Variants in TENM2 observed in about 807,000 individuals in gnomAD.
The protein encoded by TENM2 is teneurin transmembrane protein 2, also known as teneurin-2.
TENM2 carries 52 observed loss-of-function variants against 245.2 expected under a neutral mutation model. The observed-to-expected ratio is 0.21, with a 90% CI of 0.17 to 0.27. The LOEUF (loss-of-function observed/expected upper bound fraction) is 0.27. Among genes scored for constraint, TENM2 ranks in the 10% least tolerant of loss-of-function variants. The probability of loss-of-function intolerance (pLI) is 1.00; values close to 1 mark genes in which losing one functional copy is unlikely to be tolerated. For missense variants in TENM2, 3,046 were observed against 3,666.8 expected, an observed-to-expected ratio of 0.83 and a Z score of 4.37; for synonymous variants, 1,363 against 1,438.9, an observed-to-expected ratio of 0.95 and a Z score of 1.19.
intron 2 of TENM2, among the ~76,000 whole-genome samples, chr5:167,756,373 G>T (rs1472102639): frequency 6.6e-6 from 1 of 152,064 alleles, no homozygotes; most frequent in Admixed American, 6.6e-5. Flanking sequence ...GACTTCTGTT[G>T]CTCCCTTGGT....
the TENM2 span, among the ~76,000 whole-genome samples, chr5:167,015,181 TA>T: frequency 6.6e-6 from 1 of 152,216 alleles, no homozygotes; most frequent in Non-Finnish European, 1.5e-5. Context: ...TTTCCTGTTA[TA>T]TTTTTTGAAA....
chr5:167,456,249 C>CA (rs1169853304), intron 2 of TENM2, among the ~76,000 whole-genome samples: 3 of 152,162 alleles, frequency 2.0e-5, no homozygotes, highest in Non-Finnish European at 4.4e-5. Flanking sequence ...AACCCCAAAC[C>CA]ACTTTGAGCA....
chr5:167,526,391 C>A (rs1484633642), intron 2 of TENM2, among the ~76,000 whole-genome samples: 1 of 151,372 alleles, frequency 6.6e-6, no homozygotes, highest in Non-Finnish European at 1.5e-5. Context: ...CACACACACA[C>A]ACAGAAAAGA....
chr5:167,305,494 C>G (rs1054019392), intron 1 of TENM2, among the ~76,000 whole-genome samples: 21 of 152,194 alleles, frequency 1.4e-4, no homozygotes, highest in African/African-American at 4.8e-4. Flanking sequence ...CAACCCTTCT[C>G]AGGAAACTCA....
At chr5:167,832,089 A>G (rs770513264) in intron 2 of TENM2, among the ~76,000 whole-genome samples, 2 of 152,234 alleles carry the variant, frequency 1.3e-5, no homozygotes, top group African/African-American at 4.8e-5. Flanking sequence ...AACTGAAACG[A>G]CCAAATCCAA....
At chr5:167,533,575 G>A (rs539566906) in intron 2 of TENM2, among the ~76,000 whole-genome samples, 2 of 152,046 alleles carry the variant, frequency 1.3e-5, no homozygotes, top group Non-Finnish European at 2.9e-5. Flanking sequence ...TCACACCTTA[G>A]CCTCCCAAGT....
chr5:166,993,292 CA>C, the TENM2 span, among the ~76,000 whole-genome samples: 2 of 152,124 alleles, frequency 1.3e-5, no homozygotes, highest in Non-Finnish European at 2.9e-5. Flanking sequence ...GCAAGAGCTC[CA>C]GTGTCCTGTG....
the TENM2 span, among the ~76,000 whole-genome samples, chr5:167,274,995 A>AAT: frequency 6.6e-6 from 1 of 151,958 alleles, no homozygotes; most frequent in Non-Finnish European, 1.5e-5. Flanking sequence ...CTGTCAGAAG[A>AAT]ATATATATAC....
At chr5:167,678,283 T>C (rs2150368203) in intron 2 of TENM2, among the ~76,000 whole-genome samples, 1 of 152,256 alleles carries the variant, frequency 6.6e-6, no homozygotes, top group East Asian at 1.9e-4. Flanking sequence ...GAAAAGTAAA[T>C]GTCTGAAAAA....
At chr5:168,038,492 G>A (rs1445158880) in intron 5 of TENM2, among the ~76,000 whole-genome samples, 3 of 152,074 alleles carry the variant, frequency 2.0e-5, no homozygotes, top group African/African-American at 4.8e-5. Context: ...TCCTTCCTCC[G>A]TAAAATGGGA....
At chr5:167,888,306 G>T (rs1445157270) in intron 3 of TENM2, among the ~76,000 whole-genome samples, 1 of 152,134 alleles carries the variant, frequency 6.6e-6, no homozygotes, top group Non-Finnish European at 1.5e-5. Flanking sequence ...TTCTTTGAAG[G>T]CAAGCACCCT....
At chr5:167,523,774 G>A (rs533182670) in intron 2 of TENM2, among the ~76,000 whole-genome samples, 75 of 152,194 alleles carry the variant, frequency 4.9e-4, no homozygotes, top group South Asian at 2.7e-3. Context: ...AGAGCTTGCC[G>A]CTTTCAGAAA....
chr5:168,051,251 T>C (rs17069720), intron 6 of TENM2, among the ~76,000 whole-genome samples: 49,370 of 152,038 alleles, frequency 0.32, 8,951 homozygotes, highest in African/African-American at 0.48. Context: ...ATTCAAGTTG[T>C]CCTCTATATC....
intron 2 of TENM2, among the ~76,000 whole-genome samples, chr5:167,604,274 C>T (rs1582516687): frequency 6.6e-6 from 1 of 152,240 alleles, no homozygotes; most frequent in East Asian, 1.9e-4. Context: ...CTGTTCTCTG[C>T]AATGAAAACT....
intron 2 of TENM2, among the ~76,000 whole-genome samples, chr5:167,379,420 T>C (rs1760960353): frequency 6.6e-6 from 1 of 152,158 alleles, no homozygotes. Flanking sequence ...CTTAGATTGT[T>C]ACTGCCAACC....
At chr5:167,719,993 AAG>A (rs1759521134) in intron 2 of TENM2, among the ~76,000 whole-genome samples, 1 of 152,120 alleles carries the variant, frequency 6.6e-6, no homozygotes, top group South Asian at 2.1e-4. Context: ...GTGGGTTAAA[AAG>A]AGGGGGGGGC....
At chr5:168,224,638 C>T (rs750725931) in intron 23 of TENM2, among the ~76,000 whole-genome samples, 2 of 152,128 alleles carry the variant, frequency 1.3e-5, no homozygotes, top group Non-Finnish European at 2.9e-5. Flanking sequence ...CTCTGAGGAC[C>T]CCCCATCCCC....
In TENM2 at chr5:167,502,012, C is replaced by CAAA. The variant is rs34421510; in HGVS notation, c.502+126548_502+126550dup. 5.7e-4 allele frequency among the ~76,000 whole-genome samples: 82 copies of CAAA among 142,648 alleles called. 2 individuals are homozygous for CAAA. The highest frequency in any genetic ancestry group is 2.0e-3 in the African/African-American group (78 of 39,102). The allele number at this position is 142,648 out of a possible 152,430, so 93.6% of individuals were successfully genotyped here. On this transcript the variant is annotated intron_variant, in intron 2 of 28. Coordinates refer to ENST00000518659, the Ensembl canonical transcript of TENM2. ...ACTTGGAAGTAAAAATGAAAAATAA[C>CAAA]AAAAAAAAAAAGGTACTAGGTCATG...
the TENM2 span, among the ~76,000 whole-genome samples, chr5:167,109,210 A>G: frequency 6.6e-6 from 1 of 152,008 alleles, no homozygotes; most frequent in Non-Finnish European, 1.5e-5. Flanking sequence ...GGGCAAATAG[A>G]ACACTTTTAA....
Sources: gnomAD v4.1 joint callset for allele counts (sites outside exome capture counted in the v4.1 genomes callset) on GRCh38, gnomAD v4.1.1 for gene constraint, MANE v1.5 for transcripts, NCBI Gene and HGNC (gene_info 2026-07-23, HGNC 2026-07-21) for gene names.